Variants in PGD observed in about 807,000 individuals in gnomAD.
The protein encoded by PGD is 6-phosphogluconate dehydrogenase, decarboxylating.
Under a neutral mutation model 60.4 loss-of-function variants are expected in PGD, and 21 were observed. The observed-to-expected ratio is 0.35, with a 90% CI of 0.25 to 0.50. PGD has a LOEUF of 0.50. Among genes scored for constraint, PGD ranks in the 20% least tolerant of loss-of-function variants. The pLI is 0.98. For missense variants in PGD, 477 were observed against 613.1 expected (o/e 0.78, Z 2.34); for synonymous variants, 230 against 235.9 (o/e 0.97, Z 0.23).
At position 10,417,362 on chromosome 1, in the gene PGD, G is replaced by C. The variant is rs368676144; in HGVS notation, c.976-14G>C. ...CTAATGGCAATCCTAGTAGGTCTCT[G>C]TGTCACTCTTTAGGCACTCTACGCT... On this transcript the variant is annotated splice_polypyrimidine_tract_variant and intron_variant, in intron 9 of 12. Transcript: ENST00000270776. The C allele has an allele frequency of 5.7e-5, 91 of 1,599,970 alleles. No homozygotes were observed. The highest frequency in any genetic ancestry group is 7.2e-5 in the Non-Finnish European group (85 of 1,172,588).
intron 7 of PGD, among the ~76,000 whole-genome samples, chr1:10,412,260 A>AG (rs1349032256): frequency 2.0e-5 from 3 of 152,230 alleles, no homozygotes; most frequent in Non-Finnish European, 4.4e-5. Flanking sequence ...TGGAGGGCCA[A>AG]GGCCTTCTCG....
Position 10,419,802 on chromosome 1 carries a change from G to A in PGD, c.*53G>A. 4 of 1,602,358 alleles carry A rather than the reference G, an allele frequency of 2.5e-6. No individual in the cohort carries two copies. Among genetic ancestry groups the A allele is most frequent in the Admixed American group, 1.7e-5 (1 of 59,330 alleles). ...TTCCACAGACCAGGACATTCCATGTGCCTCATGGCACTGCCACCTGGCCCT... is the reference window on the plus strand; with the variant it reads ...TTCCACAGACCAGGACATTCCATGTACCTCATGGCACTGCCACCTGGCCCT... On this transcript the variant is annotated 3_prime_UTR_variant, in exon 13 of 13. Coordinates refer to ENST00000270776, the MANE Select transcript of PGD (RefSeq NM_002631.4).
intron 8 of PGD, among the ~76,000 whole-genome samples, chr1:10,414,037 C>T (rs1639551007): frequency 6.6e-6 from 1 of 152,188 alleles, no homozygotes; most frequent in Admixed American, 6.5e-5. Flanking sequence ...GCCTGGGCAA[C>T]AGAATGAGAC....
At chr1:10,403,411 G>A (rs546805650) in intron 4 of PGD, among the ~76,000 whole-genome samples, 2 of 151,954 alleles carry the variant, frequency 1.3e-5, no homozygotes, top group African/African-American at 2.4e-5. Flanking sequence ...CTAACATGGC[G>A]AAAACCCGTC....
intron 7 of PGD, among the ~76,000 whole-genome samples, chr1:10,412,646 A>G (rs1195022526): frequency 1.3e-5 from 2 of 152,228 alleles, no homozygotes; most frequent in Non-Finnish European, 2.9e-5. Context: ...ATACTAGTGA[A>G]GAAAGCAAAG....
Position 10,420,389 on chromosome 1 carries a change from C to CTTTTTTTTTTT in PGD, c.*654_*664dup, listed in dbSNP as rs70997229. Among the ~76,000 whole-genome samples, 1 of 75,058 alleles carries CTTTTTTTTTTT rather than the reference C, an allele frequency of 1.3e-5. No individual in the cohort carries two copies. The highest frequency in any genetic ancestry group is 2.4e-5 in the Non-Finnish European group (1 of 40,848). The allele number at this position is 75,058 out of a possible 152,430, so 49.2% of individuals were successfully genotyped here. On this transcript the variant is annotated 3_prime_UTR_variant, in exon 13 of 13. Coordinates refer to ENST00000270776, the MANE Select transcript of PGD (RefSeq NM_002631.4). The stretch of plus-strand genomic sequence containing the variant: ...CACTGTAACGTGCTTTTTCTTTCGT[C>CTTTTTTTTTTT]TTTTTTTTTTTTTTTTTTTTTTTTG...
intron 4 of PGD, among the ~76,000 whole-genome samples, chr1:10,403,690 G>A (rs911063840): frequency 4.0e-5 from 6 of 150,650 alleles, no homozygotes; most frequent in South Asian, 2.1e-4. Context: ...TGAGAATTAC[G>A]TTTTAACTCC....
intron 8 of PGD, among the ~76,000 whole-genome samples, chr1:10,415,807 G>A (rs980340676): frequency 6.6e-6 from 1 of 152,172 alleles, no homozygotes; most frequent in Non-Finnish European, 1.5e-5. Context: ...GTTGTCAGTT[G>A]AGCAAGTCTT....
At chr1:10,403,045 A>C (rs754137330) in intron 3 of PGD, 26 bp from the exon 4 acceptor site, 1 of 1,518,748 alleles carries the variant, frequency 6.6e-7, no homozygotes, top group East Asian at 2.3e-5. Context: ...TTTTTGGTCC[A>C]TCTTAATGCT....
At chr1:10,401,875 C>G (rs532219989) in intron 3 of PGD, among the ~76,000 whole-genome samples, 1 of 151,952 alleles carries the variant, frequency 6.6e-6, no homozygotes, top group African/African-American at 2.4e-5. Context: ...ATTAGCCAGG[C>G]GTGGTGGTGG....
chr1:10,415,532 C>G (rs1443778293), intron 8 of PGD: 1 of 152,228 alleles, frequency 6.6e-6, no homozygotes, highest in East Asian at 1.9e-4. Flanking sequence ...GCCCTCTCCC[C>G]CTCTAACAGG....
chr1:10,403,023 A>C (rs764028270), intron 3 of PGD, 48 bp from the exon 4 acceptor site: 3 of 1,160,632 alleles, frequency 2.6e-6, no homozygotes, highest in African/African-American at 1.5e-5. Context: ...TAATTTGCCA[A>C]GGTATGTTTC....
At chr1:10,402,519 T>A (rs993556654) in intron 3 of PGD, among the ~76,000 whole-genome samples, 3 of 151,060 alleles carry the variant, frequency 2.0e-5, no homozygotes, top group African/African-American at 4.9e-5. Flanking sequence ...AGACTCCATC[T>A]CAAAAAAAAT....
chr1:10,407,199 G>A (rs1233926492), intron 5 of PGD, among the ~76,000 whole-genome samples: 1 of 152,178 alleles, frequency 6.6e-6, no homozygotes, highest in Non-Finnish European at 1.5e-5. Flanking sequence ...TATGGTCCCA[G>A]CACTTTGGGA....
chr1:10,408,443 A>C (rs1639444482), intron 6 of PGD, among the ~76,000 whole-genome samples: 1 of 152,218 alleles, frequency 6.6e-6, no homozygotes, highest in African/African-American at 2.4e-5. Flanking sequence ...GAGCCATATT[A>C]TTTCATGGCC....
At position 10,419,647 on chromosome 1, in the gene PGD, CG is replaced by C; in HGVS notation, c.1354del (p.Ala452LeufsTer68). The C allele has an allele frequency of 1.2e-6, 2 of 1,614,194 alleles. No individual in the cohort carries two copies. The highest frequency in any genetic ancestry group is 1.7e-6 in the Non-Finnish European group (2 of 1,180,042). ...SLIQAQRDYFGAHTYELLAKP... is the reference protein window; with the variant it reads ...SLIQAQRDYFXAHTYELLAKP... Reference sequence around the variant, plus strand: ...TTTCCTAGGCTCAGCGGGATTACTTCGGGGCTCACACCTATGAACTCTTGGC... The same window carrying C: ...TTTCCTAGGCTCAGCGGGATTACTTCGGGCTCACACCTATGAACTCTTGGC... On this transcript the variant is annotated frameshift_variant, in exon 13 of 13. Coordinates refer to ENST00000270776, the MANE Select transcript of PGD (RefSeq NM_002631.4). LOFTEE classifies it high-confidence loss of function.
intron 8 of PGD, chr1:10,415,487 C>T (rs948996030): frequency 1.3e-5 from 2 of 152,228 alleles, no homozygotes; most frequent in African/African-American, 4.8e-5. Flanking sequence ...TGGGAGCCAT[C>T]ATTATTTGTG....
intron 7 of PGD, chr1:10,412,823 T>C: frequency 2.3e-6 from 1 of 441,204 alleles, no homozygotes; most frequent in Non-Finnish European, 4.2e-6. Flanking sequence ...TGAGGAGCCC[T>C]TGCCTCTGAG....
intron 4 of PGD, among the ~76,000 whole-genome samples, chr1:10,403,590 G>GAAAAAAAAAA (rs71583866): frequency 7.4e-5 from 5 of 67,146 alleles, no homozygotes; most frequent in Admixed American, 2.1e-4. Flanking sequence ...AACTCCATCT[G>GAAAAAAAAAA]AAAAAAAAAA....
Sources: gnomAD v4.1 joint callset for allele counts (sites outside exome capture counted in the v4.1 genomes callset) on GRCh38, gnomAD v4.1.1 for gene constraint, MANE v1.5 for transcripts, NCBI Gene and HGNC (gene_info 2026-07-23, HGNC 2026-07-21) for gene names.